Variants in UBALD2 observed in about 807,000 individuals in gnomAD.
The protein encoded by UBALD2 is UBA-like domain-containing protein 2.
In UBALD2, 8 loss-of-function variants were observed where a neutral mutation model predicts 15.9. That is an observed-to-expected ratio of 0.50 (90% CI 0.29 to 0.91). The LOEUF (loss-of-function observed/expected upper bound fraction) is 0.91. Ranked by LOEUF, UBALD2 falls within the 40% of genes least tolerant of loss-of-function variation. UBALD2 has a pLI of 0.07. For missense variants in UBALD2, 178 were observed against 234.8 expected (o/e 0.76, Z 1.58); for synonymous variants, 113 against 97.7 (o/e 1.16, Z -0.93).
At chr17:76,268,739 T>G (rs1201098866) in intron 2 of UBALD2, among the ~76,000 whole-genome samples, 2 of 149,832 alleles carry the variant, frequency 1.3e-5, no homozygotes, top group Admixed American at 6.6e-5. Flanking sequence ...CTGTTTTTTT[T>G]TTTTTTTTTT....
Position 76,265,566 on chromosome 17 carries a change from GC to G in UBALD2, c.62del (p.Ala21GlyfsTer23). 1 of 1,338,338 alleles carries G rather than the reference GC, an allele frequency of 7.5e-7. No homozygotes were observed. 82.9% of individuals were successfully genotyped at this position (1,338,338 alleles called of 1,614,324 possible). On this transcript the variant is annotated frameshift_variant, in exon 1 of 3. Transcript: ENST00000327490. LOFTEE classifies it high-confidence loss of function. The stretch of plus-strand genomic sequence containing the variant: ...CATGATCAACCAGTTCGTGCTGGCC[GC>G]GGGCTGCGCGGCCGACCAGGCGAAG... ...QVMINQFVLA[A>X]GCAADQAKQL... is the part of the protein sequence containing the mutation.
chr17:76,266,772 C>T (rs77582544), intron 2 of UBALD2, among the ~76,000 whole-genome samples: 1 of 152,152 alleles, frequency 6.6e-6, no homozygotes, highest in South Asian at 2.1e-4. Context: ...TACCCTACCC[C>T]CCTAGTTACC....
Position 76,265,643 on chromosome 17 carries a change from G to A in UBALD2, c.120+18G>A. ...AGTTCGAGGTGCGAGCCTGGCCGCC[G>A]CGGGGCCGGGCCGCGGGGGTCGGGG... On this transcript the variant is annotated intron_variant, in intron 1 of 2. Transcript: ENST00000327490. The A allele has an allele frequency of 1.7e-5, 20 of 1,146,906 alleles. No homozygotes were observed. The highest frequency in any genetic ancestry group is 2.1e-5 in the Non-Finnish European group (20 of 933,524). The allele number at this position is 1,146,906 out of a possible 1,614,324, so 71.0% of individuals were successfully genotyped here.
intron 2 of UBALD2, among the ~76,000 whole-genome samples, chr17:76,268,358 T>C (rs1393033051): frequency 6.6e-6 from 1 of 152,212 alleles, no homozygotes; most frequent in African/African-American, 2.4e-5. Flanking sequence ...CTCTGGCGGC[T>C]GTTTGAGGAG....
chr17:76,268,879 G>T (rs1394754149), intron 2 of UBALD2, among the ~76,000 whole-genome samples: 2 of 151,828 alleles, frequency 1.3e-5, no homozygotes, highest in Admixed American at 1.3e-4. Flanking sequence ...GATTATAGAC[G>T]CCCATCACCA....
chr17:76,267,526 G>A lies in UBALD2; in HGVS notation c.183+1557G>A, dbSNP rs547576347. 6.8e-5 allele frequency among the ~76,000 whole-genome samples: 7 copies of A among 103,694 alleles called. No homozygotes were observed. In the South Asian group the frequency reaches 2.3e-3, roughly 33 times the overall value. 68.0% of individuals were successfully genotyped at this position (103,694 alleles called of 152,430 possible). On this transcript the variant is annotated intron_variant, in intron 2 of 2. Transcript: ENST00000327490. ...TTTTTTTTTTTCTAATTTTATTTTT[G>A]AGAAAGGCCAGGGCAGGGGGAGTCT... is the stretch of plus-strand genomic sequence containing the variant.
chr17:76,270,055 T>C lies in UBALD2; in HGVS notation c.184-139T>C, dbSNP rs1373211206. On this transcript the variant is annotated intron_variant, in intron 2 of 2. Transcript: ENST00000327490. ...GTATTGCCTCGGGGAGAGGGCACTTTTGTCCTGTGGAAGCTGCTTGTGCGA... is the reference window on the plus strand; with the variant it reads ...GTATTGCCTCGGGGAGAGGGCACTTCTGTCCTGTGGAAGCTGCTTGTGCGA... The C allele has an allele frequency of 3.5e-6, 3 of 852,878 alleles. No individual in the cohort carries two copies. In the East Asian group the frequency reaches 8.2e-5, roughly 23 times the overall value. The allele number at this position is 852,878 out of a possible 1,614,324, so 52.8% of individuals were successfully genotyped here.
chr17:76,265,613 C>G lies in UBALD2; in HGVS notation c.108C>G (p.His36Gln), dbSNP rs2070538669. The G allele has an allele frequency of 7.7e-7, 1 of 1,293,920 alleles. No individual in the cohort carries two copies. The allele number at this position is 1,293,920 out of a possible 1,614,324, so 80.2% of individuals were successfully genotyped here. Residue 36 changes from histidine to glutamine, a missense_variant, in exon 1 of 3, where the codon CAC becomes CAG. Physicochemically the swap from His to Gln is conservative, Grantham distance 24 (BLOSUM62 0). Coordinates refer to ENST00000327490, the MANE Select transcript of UBALD2 (RefSeq NM_182565.4). ...DQAKQLLQAAHWQFETALSTF... is the reference protein window; with the variant it reads ...DQAKQLLQAAQWQFETALSTF... ...CGAAGCAGTTGCTGCAGGCGGCCCA[C>G]TGGCAGTTCGAGGTGCGAGCCTGGC...
In UBALD2 at chr17:76,265,902, C is replaced by T. The variant is rs1414074707; in HGVS notation, c.121-5C>T. 6.2e-7 allele frequency: 1 copy of T among 1,603,296 alleles called. No homozygotes were observed. The highest frequency in any genetic ancestry group is 1.1e-5 in the South Asian group (1 of 89,434). On this transcript the variant is annotated splice_region_variant and splice_polypyrimidine_tract_variant and intron_variant, in intron 1 of 2. Transcript: ENST00000327490. ...CCGCCGTGTCACTGCCCTGTTTGTC[C>T]GCAGACCGCGCTGAGCACGTTCTTC...
At position 76,265,580 on chromosome 17, in the gene UBALD2, C is replaced by T. The variant is rs199683901; in HGVS notation, c.75C>T (p.Ala25=). The T allele has an allele frequency of 4.0e-5, 54 of 1,338,122 alleles. 1 individual carries two copies. In the Admixed American group the frequency reaches 9.6e-4, roughly 24 times the overall value. The allele number at this position is 1,338,122 out of a possible 1,614,324, so 82.9% of individuals were successfully genotyped here. ...TCGTGCTGGCCGCGGGCTGCGCGGC[C>T]GACCAGGCGAAGCAGTTGCTGCAGG... The part of the protein sequence containing the change: ...NQFVLAAGCA[A]DQAKQLLQAA... Residue 25 remains alanine, a synonymous_variant, in exon 1 of 3, where the codon GCC becomes GCT. Coordinates refer to ENST00000327490, the MANE Select transcript of UBALD2 (RefSeq NM_182565.4).
At chr17:76,265,861 C>T (rs762653416) in intron 1 of UBALD2, 46 bp from the exon 2 acceptor site, 23 of 1,575,896 alleles carry the variant, frequency 1.5e-5, no homozygotes, top group Non-Finnish European at 6.0e-6. Context: ...CGCTGCGTTT[C>T]CTGACTCCGC....
intron 2 of UBALD2, among the ~76,000 whole-genome samples, chr17:76,266,514 C>T (rs974837225): frequency 2.6e-5 from 4 of 152,162 alleles, no homozygotes; most frequent in African/African-American, 9.7e-5. Flanking sequence ...TTCAACCTTC[C>T]GAAGCCCAAG....
rs981724949 is a variant in UBALD2 at position 76,266,043 on chromosome 17, C to G, written c.183+74C>G. 16 of 1,486,480 alleles carry G rather than the reference C, an allele frequency of 1.1e-5. No individual in the cohort carries two copies. In the Admixed American group the frequency reaches 3.1e-4, roughly 28 times the overall value. The allele number at this position is 1,486,480 out of a possible 1,614,324, so 92.1% of individuals were successfully genotyped here. ...CGGTGACAGCCATGTTGCCGGGGAG[C>G]GCCGCGCCGCGAATGTAAACAAAGA... On this transcript the variant is annotated intron_variant, in intron 2 of 2. Coordinates refer to ENST00000327490, the MANE Select transcript of UBALD2 (RefSeq NM_182565.4).
At chr17:76,266,004 C>G in intron 2 of UBALD2, 35 bp downstream of exon 2, 2 of 1,547,044 alleles carry the variant, frequency 1.3e-6, no homozygotes, top group Non-Finnish European at 1.7e-6. Flanking sequence ...GGGCCGGGGC[C>G]GCTGTCAGCG....
rs1598468959 is a variant in UBALD2 at position 76,270,657 on chromosome 17, G to A, written c.*152G>A. The A allele has an allele frequency of 1.3e-6, 1 of 753,408 alleles. No individual in the cohort carries two copies. Among genetic ancestry groups the A allele is most frequent in the Non-Finnish European group, 1.9e-6 (1 of 513,492 alleles). 46.7% of individuals were successfully genotyped at this position (753,408 alleles called of 1,614,324 possible). A position where few individuals can be genotyped will look rare whatever the true frequency, so the allele number is the denominator to read the frequency against. On this transcript the variant is annotated 3_prime_UTR_variant, in exon 3 of 3. Coordinates refer to ENST00000327490, the MANE Select transcript of UBALD2 (RefSeq NM_182565.4). ...ATAAAAGAATTTTTGTGGGTCGGGGGGACAGTAAACTTCCTGGGCCACGTG... is the reference window on the plus strand; with the variant it reads ...ATAAAAGAATTTTTGTGGGTCGGGGAGACAGTAAACTTCCTGGGCCACGTG...
rs552913365 is a variant in UBALD2 at position 76,271,133 on chromosome 17, C to T, written c.*628C>T. On this transcript the variant is annotated 3_prime_UTR_variant, in exon 3 of 3. Transcript: ENST00000327490. ...GAGCTGACTTTGGTCAAAGGCCAGGCTCTGCCCAGCAGGGGACTTGACTGC... is the reference window on the plus strand; with the variant it reads ...GAGCTGACTTTGGTCAAAGGCCAGGTTCTGCCCAGCAGGGGACTTGACTGC... The T allele has an allele frequency of 1.3e-4, 18 of 141,730 alleles. No homozygotes were observed. In the South Asian group the frequency reaches 4.0e-3, roughly 31 times the overall value. The allele number at this position is 141,730 out of a possible 1,614,324, so 8.8% of individuals were successfully genotyped here. A position where few individuals can be genotyped will look rare whatever the true frequency, so the allele number is the denominator to read the frequency against.
chr17:76,270,442 C>T lies in UBALD2; in HGVS notation c.432C>T (p.Pro144=), dbSNP rs1270207349. ...HHLHRPQPTW[P]PGAQQGGAQQ... is the part of the protein sequence containing the mutation. ...TCCACCGCCCACAGCCCACGTGGCC[C>T]CCAGGAGCACAGCAGGGGGGCGCCC... Residue 144 remains proline (P), a synonymous_variant, in exon 3 of 3, where the codon CCC becomes CCT. Transcript: ENST00000327490. 4.6e-6 allele frequency: 7 copies of T among 1,518,302 alleles called. No individual in the cohort carries two copies. The highest frequency in any genetic ancestry group is 2.5e-5 in the East Asian group (1 of 40,552). 94.1% of individuals were successfully genotyped at this position (1,518,302 alleles called of 1,614,324 possible). A position where few individuals can be genotyped will look rare whatever the true frequency, so the allele number is the denominator to read the frequency against.
In UBALD2 at chr17:76,265,411, CGAGCCCCG is replaced by C. The variant is rs2070536289; in HGVS notation, c.-85_-78del. 8 of 975,752 alleles carry C rather than the reference CGAGCCCCG, an allele frequency of 8.2e-6. No homozygotes were observed. The African/African-American group carries it at 1.1e-4, about 13-fold the overall frequency. The allele number at this position is 975,752 out of a possible 1,614,324, so 60.4% of individuals were successfully genotyped here. A position where few individuals can be genotyped will look rare whatever the true frequency, so the allele number is the denominator to read the frequency against. On this transcript the variant is annotated 5_prime_UTR_variant, in exon 1 of 3. Coordinates refer to ENST00000327490, the MANE Select transcript of UBALD2 (RefSeq NM_182565.4). The stretch of plus-strand genomic sequence containing the variant: ...GGAGCGGCGGCAGCAGCGGTGAGCG[CGAGCCCCG>C]GAGCCCCGGGCGGCCGGCCTCCCGC...
intron 2 of UBALD2, among the ~76,000 whole-genome samples, chr17:76,268,078 C>T (rs975798124): frequency 2.0e-5 from 3 of 152,216 alleles, no homozygotes; most frequent in African/African-American, 7.2e-5. Flanking sequence ...ATGGTTGTCC[C>T]GTACATTACT....
Sources: gnomAD v4.1 joint callset for allele counts (sites outside exome capture counted in the v4.1 genomes callset) on GRCh38, gnomAD v4.1.1 for gene constraint, MANE v1.5 for transcripts, NCBI Gene and HGNC (gene_info 2026-07-23, HGNC 2026-07-21) for gene names.